The following GOLM1 variants were observed in gnomAD, a reference collection of about 807,000 sequenced individuals.
GOLM1 encodes epididymis luminal protein 46.
Under a neutral mutation model 50.5 loss-of-function variants are expected in GOLM1, and 31 were observed. The observed-to-expected ratio is 0.61, with a 90% CI of 0.46 to 0.83. The LOEUF (loss-of-function observed/expected upper bound fraction) is 0.83. GOLM1 is among the 40% of genes least tolerant of loss of function. The probability of loss-of-function intolerance (pLI) is 0.00; values close to 1 mark genes in which losing one functional copy is unlikely to be tolerated. For synonymous variants in GOLM1, 178 were observed against 192.8 expected, an observed-to-expected ratio of 0.92 and a Z score of 0.64; for missense variants, 491 against 501.3, an observed-to-expected ratio of 0.98 and a Z score of 0.20.
Position 86,035,388 on chromosome 9 carries a change from T to C in GOLM1, c.995A>G (p.Glu332Gly), listed in dbSNP as rs1200490772. 5.6e-6 allele frequency: 9 copies of C among 1,613,734 alleles called. No homozygotes were observed. Among genetic ancestry groups the C allele is most frequent in the Middle Eastern group, 3.4e-4 (2 of 5,908 alleles). Residue 332 changes from glutamate to glycine, a missense_variant, in exon 8 of 10, where the codon GAG becomes GGG. By Grantham distance (98) the Glu-to-Gly change is moderately conservative. Coordinates refer to ENST00000388712, the MANE Select transcript of GOLM1 (RefSeq NM_016548.4). ...QLVIPDGQEE[E>G]QEAAGEGRNQ... ...CCCACCTTCCCCGGCAGCTTCCTGC[T>C]CCTCCTCCTGTCCGTCGGGGATGAC...
intron 3 of GOLM1, 57 bp downstream of exon 3, chr9:86,077,355 G>A: frequency 2.2e-6 from 3 of 1,378,266 alleles, no homozygotes; most frequent in Non-Finnish European, 3.1e-6. Flanking sequence ...AGAAGAAACA[G>A]ACAATGTAGA....
At chr9:86,073,570 C>CTATTG (rs1834518552) in intron 3 of GOLM1, among the ~76,000 whole-genome samples, 1 of 152,094 alleles carries the variant, frequency 6.6e-6, no homozygotes, top group Non-Finnish European at 1.5e-5. Context: ...ATTTCATCTT[C>CTATTG]CATTGCCCAA....
chr9:86,053,273 A>C (rs1433723424), intron 3 of GOLM1, among the ~76,000 whole-genome samples: 3 of 134,910 alleles, frequency 2.2e-5, no homozygotes, highest in Non-Finnish European at 3.2e-5. Flanking sequence ...ACGCCAGACC[A>C]CACCACACAC....
At chr9:86,042,822 T>C (rs909355832) in intron 5 of GOLM1, among the ~76,000 whole-genome samples, 1 of 152,240 alleles carries the variant, frequency 6.6e-6, no homozygotes, top group African/African-American at 2.4e-5. Context: ...GGGCTTTCCA[T>C]GTTCCAACTT....
intron 9 of GOLM1, among the ~76,000 whole-genome samples, chr9:86,031,004 G>GAT (rs1396796170): frequency 1.3e-5 from 2 of 152,226 alleles, no homozygotes; most frequent in African/African-American, 4.8e-5. Flanking sequence ...GAGGTCAGGA[G>GAT]ATGGAGACCA....
At chr9:86,075,198 A>G (rs1834575903) in intron 3 of GOLM1, among the ~76,000 whole-genome samples, 1 of 152,208 alleles carries the variant, frequency 6.6e-6, no homozygotes, top group South Asian at 2.1e-4. Context: ...CAGCCTCCAG[A>G]CCTGTGAGAA....
At chr9:86,076,493 A>G (rs1383859649) in intron 3 of GOLM1, among the ~76,000 whole-genome samples, 2 of 143,718 alleles carry the variant, frequency 1.4e-5, no homozygotes, top group Admixed American at 7.1e-5. Context: ...CCAAAGTTTG[A>G]TGCACTCTGG....
At chr9:86,044,927 G>T (rs573662441) in intron 5 of GOLM1, among the ~76,000 whole-genome samples, 1 of 151,808 alleles carries the variant, frequency 6.6e-6, no homozygotes, top group African/African-American at 2.4e-5. Flanking sequence ...ACTCTAGCCT[G>T]GGAAACGAGC....
intron 3 of GOLM1, among the ~76,000 whole-genome samples, chr9:86,068,418 G>A (rs143022784): frequency 3.3e-3 from 507 of 152,312 alleles, no homozygotes; most frequent in African/African-American, 0.012. Flanking sequence ...CCTCCCGCTG[G>A]TCAGGTCTGC....
In GOLM1 at chr9:86,081,396, A is replaced by G. The variant is rs1262583761; in HGVS notation, c.-21-2055T>C. On this transcript the variant is annotated intron_variant, in intron 1 of 9. Coordinates refer to ENST00000388712, the MANE Select transcript of GOLM1 (RefSeq NM_016548.4). Reference sequence around the variant, plus strand: ...TTTTTAGTAGAGACGGGGTTTCTCCATGTTGGTCAGGCTGGTCTGGAACTC... The same window carrying G: ...TTTTTAGTAGAGACGGGGTTTCTCCGTGTTGGTCAGGCTGGTCTGGAACTC... Among the ~76,000 whole-genome samples the G allele has an allele frequency of 2.0e-5, 3 of 151,680 alleles. No homozygotes were observed. The East Asian group carries it at 5.9e-4, about 30-fold the overall frequency.
chr9:86,073,470 A>G (rs1484610500), intron 3 of GOLM1, among the ~76,000 whole-genome samples: 1 of 152,232 alleles, frequency 6.6e-6, no homozygotes, highest in African/African-American at 2.4e-5. Context: ...AGCTGATTTG[A>G]TAAGCTGAAC....
rs1158904830 is a variant in GOLM1, at chr9:86,088,429, T to TGC, written c.-21-9089_-21-9088insGC. 5.0e-3 allele frequency among the ~76,000 whole-genome samples: 564 copies of TGC among 113,092 alleles called. 28 individuals carry two copies. Among genetic ancestry groups the TGC allele is most frequent in the African/African-American group, 0.02 (540 of 26,850 alleles). The allele number at this position is 113,092 out of a possible 152,430, so 74.2% of individuals were successfully genotyped here. ...TGTTTTTTTGAAGGGTGTATATATATATATATATATATATATATATATATA... is the reference window on the plus strand; with the variant it reads ...TGTTTTTTTGAAGGGTGTATATATATGCATATATATATATATATATATATATA... On this transcript the variant is annotated intron_variant, in intron 1 of 9. Coordinates refer to ENST00000388712, the MANE Select transcript of GOLM1 (RefSeq NM_016548.4).
At chr9:86,065,003 A>C (rs539396490) in intron 3 of GOLM1, among the ~76,000 whole-genome samples, 3 of 152,350 alleles carry the variant, frequency 2.0e-5, no homozygotes, top group African/African-American at 7.2e-5. Flanking sequence ...TGGGAGGTGC[A>C]GAACAGAGAA....
chr9:86,028,347 A>C (rs756602924), intron 9 of GOLM1, among the ~76,000 whole-genome samples: 9 of 152,314 alleles, frequency 5.9e-5, no homozygotes, highest in Middle Eastern at 3.4e-3. Context: ...TTGATGGTGG[A>C]ACGATTCGGA....
intron 1 of GOLM1, among the ~76,000 whole-genome samples, chr9:86,088,962 G>A (rs1835086139): frequency 6.6e-6 from 1 of 152,112 alleles, no homozygotes; most frequent in Non-Finnish European, 1.5e-5. Context: ...TCCTGGTGGT[G>A]ACAAAATCTC....
chr9:86,031,518 A>C (rs765315192), intron 9 of GOLM1, among the ~76,000 whole-genome samples: 7 of 136,880 alleles, frequency 5.1e-5, no homozygotes, highest in African/African-American at 8.4e-5. Context: ...CTGGAGTGCA[A>C]TGTCACAATC....
chr9:86,040,685 T>C, intron 6 of GOLM1, 54 bp downstream of exon 6: 1 of 1,550,004 alleles, frequency 6.5e-7, no homozygotes, highest in Non-Finnish European at 8.8e-7. Flanking sequence ...AGAAACAAAA[T>C]GCCTGAAGAT....
chr9:86,035,345 G>A (rs375650773), intron 8 of GOLM1, 23 bp downstream of exon 8: 57 of 1,608,044 alleles, frequency 3.5e-5, no homozygotes, highest in Middle Eastern at 2.1e-4. Context: ...AGTCCACAGC[G>A]GCCCCCGAAA....
At position 86,039,690 on chromosome 9, in the gene GOLM1, G is replaced by A. The variant is rs773675454; in HGVS notation, c.597+1049C>T. 5.9e-5 allele frequency among the ~76,000 whole-genome samples: 9 copies of A among 152,256 alleles called. No individual in the cohort carries two copies. The South Asian group carries it at 8.3e-4, about 14-fold the overall frequency. On this transcript the variant is annotated intron_variant, in intron 6 of 9. Coordinates refer to ENST00000388712, the MANE Select transcript of GOLM1 (RefSeq NM_016548.4). The stretch of plus-strand genomic sequence containing the variant: ...CTCAGTCAAAGATACCAGACAGTCC[G>A]GGCGTGGTGGCTCACGCCTGTAATC...
Sources: allele counts gnomAD v4.1 joint callset (sites outside exome capture counted in the v4.1 genomes callset), GRCh38; gene constraint gnomAD v4.1.1; transcripts MANE v1.5; gene names NCBI Gene and HGNC (gene_info 2026-07-23, HGNC 2026-07-21).